Variants in ZNF664 observed in about 807,000 individuals in gnomAD.
The protein encoded by ZNF664 is zinc finger protein 664.
Under a neutral mutation model 18.2 loss-of-function variants are expected in ZNF664, and 10 were observed. That is an observed-to-expected ratio of 0.55 (90% CI 0.34 to 0.93). The LOEUF (loss-of-function observed/expected upper bound fraction) is 0.93, where lower values mean the gene tolerates loss of function less well. ZNF664 is among the 40% of genes least tolerant of loss of function. The pLI is 0.02. For synonymous variants in ZNF664, 119 were observed against 104.2 expected, an observed-to-expected ratio of 1.14 and a Z score of -0.86; for missense variants, 193 against 319.0, an observed-to-expected ratio of 0.61 and a Z score of 3.01.
At chr12:124,007,696 AT>A (rs767018173) in intron 3 of ZNF664, among the ~76,000 whole-genome samples, 67 of 148,568 alleles carry the variant, frequency 4.5e-4, no homozygotes, top group African/African-American at 1.2e-3. Flanking sequence ...GCATTCACAG[AT>A]TTTTTTTTTT....
Position 124,013,154 on chromosome 12 carries a change from C to T in ZNF664, c.*224C>T. The T allele has an allele frequency of 4.8e-6, 3 of 623,750 alleles. No homozygotes were observed. The highest frequency in any genetic ancestry group is 8.2e-6 in the Non-Finnish European group (3 of 365,482). The allele number at this position is 623,750 out of a possible 1,614,324, so 38.6% of individuals were successfully genotyped here. On this transcript the variant is annotated 3_prime_UTR_variant, in exon 5 of 5. Transcript: ENST00000337815. ...CATCCACGCAGGATGGCTCTCAGGT[C>T]CCAGTCACAGACGTCGCTTCCTGGG...
chr12:123,974,218 T>G (rs1594534262), intron 2 of ZNF664, 198 bp downstream of exon 2: 2 of 407,914 alleles, frequency 4.9e-6, no homozygotes, highest in Admixed American at 4.4e-5. Flanking sequence ...ACTCAGCTCC[T>G]TTGTGAAACC....
chr12:123,998,126 C>G (rs576244319), intron 3 of ZNF664, among the ~76,000 whole-genome samples: 4 of 152,098 alleles, frequency 2.6e-5, no homozygotes, highest in Non-Finnish European at 5.9e-5. Flanking sequence ...ATCTCAGGAG[C>G]TGATTTCCTG....
At chr12:123,978,428 G>T (rs1395970964) in intron 2 of ZNF664, among the ~76,000 whole-genome samples, 1 of 152,158 alleles carries the variant, frequency 6.6e-6, no homozygotes, top group African/African-American at 2.4e-5. Context: ...CTGAATAGCA[G>T]CAAAACTAGA....
chr12:123,986,261 A>T (rs902924455), intron 2 of ZNF664, among the ~76,000 whole-genome samples: 1 of 152,162 alleles, frequency 6.6e-6, no homozygotes, highest in Non-Finnish European at 1.5e-5. Flanking sequence ...CATTCAGACC[A>T]CTTTCTGTAC....
At chr12:123,991,805 C>T (rs1413023549) in intron 3 of ZNF664, among the ~76,000 whole-genome samples, 1 of 152,312 alleles carries the variant, frequency 6.6e-6, no homozygotes, top group Middle Eastern at 3.4e-3. Context: ...CTTGATCACC[C>T]TGATAACACA....
intron 3 of ZNF664, among the ~76,000 whole-genome samples, chr12:124,009,506 A>G (rs1266313654): frequency 6.6e-6 from 1 of 151,664 alleles, no homozygotes; most frequent in Non-Finnish European, 1.5e-5. Flanking sequence ...TTTATATTTT[A>G]TATTTTATTT....
chr12:123,983,742 G>T (rs1338407344), intron 2 of ZNF664, among the ~76,000 whole-genome samples: 1 of 152,094 alleles, frequency 6.6e-6, no homozygotes, highest in Non-Finnish European at 1.5e-5. Flanking sequence ...GCCTGATGGG[G>T]GTTTAAGAAT....
intron 2 of ZNF664, among the ~76,000 whole-genome samples, chr12:123,987,724 T>C (rs999064893): frequency 3.9e-5 from 6 of 152,196 alleles, no homozygotes; most frequent in African/African-American, 9.7e-5. Flanking sequence ...AGTTATCTTA[T>C]ACCTATGAAC....
chr12:123,995,974 A>G (rs1489522931), intron 3 of ZNF664, among the ~76,000 whole-genome samples: 3 of 152,132 alleles, frequency 2.0e-5, no homozygotes, highest in Admixed American at 2.0e-4. Flanking sequence ...TTATTGCCGC[A>G]TAGAGAGGGA....
chr12:123,973,397 A>C, intron 1 of ZNF664, 45 bp downstream of exon 1: 7 of 547,894 alleles, frequency 1.3e-5, no homozygotes, highest in Non-Finnish European at 1.4e-5. Context: ...TCTTTCCCGG[A>C]GGGAGGCGGG....
At chr12:124,008,663 C>T (rs886936516) in intron 3 of ZNF664, among the ~76,000 whole-genome samples, 1 of 152,178 alleles carries the variant, frequency 6.6e-6, no homozygotes, top group African/African-American at 2.4e-5. Context: ...TGCCTTGGGT[C>T]TCTCCATCTC....
intron 3 of ZNF664, among the ~76,000 whole-genome samples, chr12:124,007,368 C>G (rs571267829): frequency 6.6e-6 from 1 of 152,336 alleles, no homozygotes; most frequent in South Asian, 2.1e-4. Context: ...TACCCTAACC[C>G]TGGCAGCTTG....
chr12:124,011,077 G>C (rs370075094), intron 3 of ZNF664, among the ~76,000 whole-genome samples: 3 of 152,224 alleles, frequency 2.0e-5, no homozygotes, highest in African/African-American at 7.2e-5. Context: ...AATGACATTT[G>C]ATACCAACAC....
At chr12:123,977,637 C>T (rs58621770) in intron 2 of ZNF664, among the ~76,000 whole-genome samples, 6,286 of 152,116 alleles carry the variant, frequency 0.041, 401 homozygotes, top group African/African-American at 0.13. Flanking sequence ...GGCCATCTTC[C>T]GGGCTGTGAT....
intron 3 of ZNF664, among the ~76,000 whole-genome samples, chr12:123,991,593 G>A (rs144803142): frequency 6.6e-6 from 1 of 152,128 alleles, no homozygotes; most frequent in Non-Finnish European, 1.5e-5. Context: ...ACTCTGATAG[G>A]TACTTTCATG....
chr12:124,004,572 T>C (rs1038859625), intron 3 of ZNF664, among the ~76,000 whole-genome samples: 2 of 152,228 alleles, frequency 1.3e-5, no homozygotes, highest in Admixed American at 6.5e-5. Context: ...ACAGGGATTT[T>C]CTAAGCCAGG....
chr12:123,979,062 A>G (rs979751815), intron 2 of ZNF664, among the ~76,000 whole-genome samples: 2 of 152,220 alleles, frequency 1.3e-5, no homozygotes, highest in Non-Finnish European at 2.9e-5. Flanking sequence ...GTTATGTAGA[A>G]GGATACACTG....
intron 3 of ZNF664, among the ~76,000 whole-genome samples, chr12:124,007,223 A>T (rs1388346745): frequency 3.3e-5 from 5 of 152,158 alleles, no homozygotes; most frequent in African/African-American, 1.2e-4. Context: ...TTTTATCTGG[A>T]AGGAATGGCA....
Sources: gnomAD v4.1 joint callset for allele counts (sites outside exome capture counted in the v4.1 genomes callset) on GRCh38, gnomAD v4.1.1 for gene constraint, MANE v1.5 for transcripts, NCBI Gene and HGNC (gene_info 2026-07-23, HGNC 2026-07-21) for gene names.